Variants in EGF observed in about 807,000 individuals in gnomAD.
The protein encoded by EGF is epidermal growth factor, also known as pro-epidermal growth factor.
In EGF, 95 loss-of-function variants were observed where a neutral mutation model predicts 143.8. The ratio of observed to expected loss-of-function variants is 0.66; its 90% CI spans 0.56 to 0.78. The LOEUF (loss-of-function observed/expected upper bound fraction) is 0.78, where lower values mean the gene tolerates loss of function less well. Among genes scored for constraint, EGF ranks in the 30% least tolerant of loss-of-function variants. The pLI, the probability that EGF is intolerant of heterozygous loss-of-function variation, is 0.00. For missense variants in EGF, 1,320 were observed against 1,470.9 expected (o/e 0.90, Z 1.68); for synonymous variants, 510 against 510.5 (o/e 1.00, Z 0.01).
intron 1 of EGF, among the ~76,000 whole-genome samples, chr4:109,920,011 C>A (rs913245270): frequency 6.6e-6 from 1 of 151,586 alleles, no homozygotes; most frequent in African/African-American, 2.4e-5. Context: ...TGAATCAGTA[C>A]AATGTCTTTT....
chr4:109,940,724 C>T, intron 1 of EGF: 1 of 512,566 alleles, frequency 2.0e-6, no homozygotes, highest in Non-Finnish European at 3.4e-6. Flanking sequence ...CATAATTTAC[C>T]AATGTTCATG....
chr4:109,947,918 C>A (rs192916804), intron 5 of EGF, among the ~76,000 whole-genome samples: 1 of 152,108 alleles, frequency 6.6e-6, no homozygotes, highest in African/African-American at 2.4e-5. Context: ...AAATAGAGCA[C>A]CTTTTCCATG....
chr4:109,939,680 A>G (rs1272709802), intron 1 of EGF, among the ~76,000 whole-genome samples: 2 of 152,182 alleles, frequency 1.3e-5, no homozygotes, highest in African/African-American at 4.8e-5. Context: ...TGGAAGCGCC[A>G]ACCCTCTTGT....
At chr4:109,920,206 T>G (rs1251753623) in intron 1 of EGF, among the ~76,000 whole-genome samples, 1 of 151,680 alleles carries the variant, frequency 6.6e-6, no homozygotes, top group Non-Finnish European at 1.5e-5. Flanking sequence ...TTTTGTCACT[T>G]TGATTACAAT....
intron 20 of EGF, 143 bp downstream of exon 20, chr4:109,995,023 C>T (rs568208015): frequency 1.2e-4 from 112 of 929,246 alleles, no homozygotes; most frequent in South Asian, 1.2e-3. Context: ...ATATGAACCA[C>T]GTGTGTGCAC....
At chr4:109,955,053 G>C (rs1305881915) in intron 5 of EGF, among the ~76,000 whole-genome samples, 1 of 152,202 alleles carries the variant, frequency 6.6e-6, no homozygotes, top group Non-Finnish European at 1.5e-5. Context: ...GAAGAGACTA[G>C]AAAGGCTTTG....
intron 5 of EGF, among the ~76,000 whole-genome samples, chr4:109,958,010 CT>C (rs1745079028): frequency 6.6e-6 from 1 of 152,180 alleles, no homozygotes; most frequent in Non-Finnish European, 1.5e-5. Context: ...ATCTCATTAA[CT>C]TTTTGGAAAG....
chr4:109,951,979 A>G (rs1357295005), intron 5 of EGF, among the ~76,000 whole-genome samples: 1 of 152,020 alleles, frequency 6.6e-6, no homozygotes, highest in Non-Finnish European at 1.5e-5. Context: ...TTTCAATTTC[A>G]GAAACTTAAA....
chr4:109,986,439 G>C (rs369503326), intron 16 of EGF, among the ~76,000 whole-genome samples: 1 of 152,170 alleles, frequency 6.6e-6, no homozygotes, highest in Non-Finnish European at 1.5e-5. Flanking sequence ...AGATAACCAA[G>C]CAAGCATGAA....
At chr4:109,993,663 G>A (rs934725365) in intron 19 of EGF, among the ~76,000 whole-genome samples, 1 of 152,016 alleles carries the variant, frequency 6.6e-6, no homozygotes, top group Admixed American at 6.5e-5. Context: ...ATGTCAATTT[G>A]TGGGGCTGCT....
chr4:109,969,115 A>G lies in EGF; in HGVS notation c.1720A>G (p.Arg574Gly). The change falls in exon 11 of 24, where the codon AGA (arginine) becomes GGA (glycine). Residue 574 changes from arginine (R) to glycine (G), a missense_variant. Transcript: ENST00000265171. ...TGGCCGTAGATTCTATTGGACAGAC[A>G]GAGGGTATGTTTTCTGCTTCAGTTT... is the stretch of plus-strand genomic sequence containing the variant. ...WIGRRFYWTD[R>G]GKSLIGRSDL... 6.2e-7 allele frequency: 1 copy of G among 1,614,154 alleles called. No homozygotes were observed.
At chr4:109,962,050 A>T in intron 8 of EGF, 65 bp downstream of exon 8, 1 of 1,605,818 alleles carries the variant, frequency 6.2e-7, no homozygotes, top group Non-Finnish European at 8.5e-7. Flanking sequence ...AGTGACATCT[A>T]AAAATTGATC....
In EGF at chr4:109,988,790, G is replaced by C; in HGVS notation, c.2734+81G>C. On this transcript the variant is annotated intron_variant, in intron 18 of 23. Transcript: ENST00000265171. ...AACAATGTGGGTGCATGAGCAGAGG[G>C]AAGACAGGATATAATTGGGGTGACA... 2.5e-6 allele frequency: 4 copies of C among 1,597,818 alleles called. No individual in the cohort carries two copies. Among genetic ancestry groups the C allele is most frequent in the Non-Finnish European group, 3.4e-6 (4 of 1,169,650 alleles).
chr4:109,961,097 TA>T (rs1455901826), intron 7 of EGF, 108 bp downstream of exon 7: 2 of 1,275,042 alleles, frequency 1.6e-6, no homozygotes, highest in Admixed American at 1.9e-5. Flanking sequence ...GTGTGCATCA[TA>T]ATTACCTTTG....
chr4:109,987,866 A>G lies in EGF; in HGVS notation c.2608+6A>G. On this transcript the variant is annotated splice_donor_region_variant and intron_variant, in intron 17 of 23. Coordinates refer to ENST00000265171, the MANE Select transcript of EGF (RefSeq NM_001963.6). Reference sequence around the variant, plus strand: ...GGATGGAAAACTATGTTCTGGTAAGAGAAAAGGGCAAATTCACATATTTGG... The same window carrying G: ...GGATGGAAAACTATGTTCTGGTAAGGGAAAAGGGCAAATTCACATATTTGG... The G allele has an allele frequency of 6.2e-7, 1 of 1,603,336 alleles. No homozygotes were observed. Among genetic ancestry groups the G allele is most frequent in the Non-Finnish European group, 8.5e-7 (1 of 1,170,250 alleles).
intron 1 of EGF, among the ~76,000 whole-genome samples, chr4:109,919,325 CT>C (rs1737333105): frequency 1.5e-5 from 2 of 134,058 alleles, no homozygotes; most frequent in African/African-American, 5.8e-5. Flanking sequence ...CTCTCTCTCT[CT>C]CTCTCTCTCT....
At chr4:109,984,834 C>A (rs184771032) in intron 16 of EGF, among the ~76,000 whole-genome samples, 1 of 152,064 alleles carries the variant, frequency 6.6e-6, no homozygotes, top group Non-Finnish European at 1.5e-5. Flanking sequence ...GAAAATAAGA[C>A]GTTCTGGAAA....
intron 22 of EGF, among the ~76,000 whole-genome samples, chr4:110,007,338 G>C (rs1381906347): frequency 6.6e-6 from 1 of 152,204 alleles, no homozygotes; most frequent in Non-Finnish European, 1.5e-5. Context: ...CCAATGAAGC[G>C]TGATCGGCCA....
At chr4:109,949,601 A>G (rs922931826) in intron 5 of EGF, among the ~76,000 whole-genome samples, 3 of 148,530 alleles carry the variant, frequency 2.0e-5, no homozygotes, top group African/African-American at 7.4e-5. Context: ...TGAATCTATT[A>G]TTTGTAGTTC....
Sources: allele counts gnomAD v4.1 joint callset (sites outside exome capture counted in the v4.1 genomes callset), GRCh38; gene constraint gnomAD v4.1.1; transcripts MANE v1.5; gene names NCBI Gene and HGNC (gene_info 2026-07-23, HGNC 2026-07-21).